The following DLGAP2 variants were observed in gnomAD, a reference collection of about 807,000 sequenced individuals.
DLGAP2 encodes the protein disks large-associated protein 2.
A neutral mutation model predicts 100.3 loss-of-function variants in DLGAP2; 26 were observed. That is an observed-to-expected ratio of 0.26 (90% CI 0.19 to 0.36). The LOEUF (loss-of-function observed/expected upper bound fraction) is 0.36, where lower values mean the gene tolerates loss of function less well. Ranked by LOEUF, DLGAP2 falls within the 10% of genes least tolerant of loss-of-function variation. DLGAP2 has a pLI of 1.00. For synonymous variants in DLGAP2, 886 were observed against 630.1 expected, an observed-to-expected ratio of 1.41 and a Z score of -6.08; for missense variants, 1,858 against 1,453.2, an observed-to-expected ratio of 1.28 and a Z score of -4.53.
intron 2 of DLGAP2, among the ~76,000 whole-genome samples, chr8:1,227,697 C>T (rs1798450863): frequency 6.6e-6 from 1 of 151,888 alleles, no homozygotes; most frequent in Non-Finnish European, 1.5e-5. Flanking sequence ...TACATGATGT[C>T]ACTTATATGT....
chr8:776,650 C>T (rs371113712), intron 1 of DLGAP2, among the ~76,000 whole-genome samples: 5 of 152,114 alleles, frequency 3.3e-5, no homozygotes, highest in African/African-American at 9.7e-5. Flanking sequence ...TTCCATGTAG[C>T]TGAGCGGTTT....
At chr8:1,452,267 T>C (rs973985273) in intron 3 of DLGAP2, among the ~76,000 whole-genome samples, 12 of 152,170 alleles carry the variant, frequency 7.9e-5, no homozygotes, top group Non-Finnish European at 1.3e-4. Context: ...GTTCTGTGGC[T>C]GGGTGTTCTG....
At chr8:1,013,338 C>G (rs1340675328) in intron 2 of DLGAP2, among the ~76,000 whole-genome samples, 1 of 152,146 alleles carries the variant, frequency 6.6e-6, no homozygotes, top group African/African-American at 2.4e-5. Context: ...GGAAAAGCCA[C>G]AGGCACAGAT....
At chr8:1,162,048 G>A (rs747335012) in intron 2 of DLGAP2, among the ~76,000 whole-genome samples, 4 of 152,204 alleles carry the variant, frequency 2.6e-5, no homozygotes, top group Non-Finnish European at 4.4e-5. Flanking sequence ...AGGGGAGCCC[G>A]GAGCCTGCGT....
chr8:1,613,550 AAAAAAG>A (rs1318996080), intron 6 of DLGAP2, among the ~76,000 whole-genome samples: 10 of 151,578 alleles, frequency 6.6e-5, no homozygotes, highest in African/African-American at 2.4e-4. Flanking sequence ...AATAAAAAAA[AAAAAAG>A]AAAAGAAAAG....
intron 2 of DLGAP2, among the ~76,000 whole-genome samples, chr8:1,231,500 A>G (rs1454227928): frequency 6.6e-6 from 1 of 152,214 alleles, no homozygotes; most frequent in Non-Finnish European, 1.5e-5. Context: ...CCAAAAGAAA[A>G]CAAAATTGTG....
At chr8:743,884 T>G (rs926614047) in intron 1 of DLGAP2, among the ~76,000 whole-genome samples, 65 of 152,384 alleles carry the variant, frequency 4.3e-4, no homozygotes, top group African/African-American at 1.5e-3. Flanking sequence ...TATTTGCATG[T>G]GATTTCCGTG....
At chr8:915,254 A>G (rs1432369290) in intron 2 of DLGAP2, among the ~76,000 whole-genome samples, 2 of 152,168 alleles carry the variant, frequency 1.3e-5, no homozygotes, top group Non-Finnish European at 2.9e-5. Context: ...ACATCTGTGA[A>G]ACCCATCACT....
intron 2 of DLGAP2, among the ~76,000 whole-genome samples, chr8:1,195,455 C>G (rs1042640386): frequency 6.6e-6 from 1 of 152,138 alleles, no homozygotes; most frequent in Non-Finnish European, 1.5e-5. Context: ...GCACAGTGAA[C>G]CAGGACAGAA....
rs192632210 is a variant in DLGAP2 at position 1,508,079 on chromosome 8, C to T, written c.172+6648C>T. Among the ~76,000 whole-genome samples, 10 of 152,030 alleles carry T rather than the reference C, an allele frequency of 6.6e-5. No individual in the cohort carries two copies. In the East Asian group the frequency reaches 1.9e-3, roughly 29 times the overall value. On this transcript the variant is annotated intron_variant, in intron 4 of 14. Coordinates refer to ENST00000637795, the MANE Select transcript of DLGAP2 (RefSeq NM_001346810.2). Reference sequence around the variant, plus strand: ...ACCAGGGCACACTGCATTTTAACAACCCCGTTTTTAAATTTTATTTCCACA... The same window carrying T: ...ACCAGGGCACACTGCATTTTAACAATCCCGTTTTTAAATTTTATTTCCACA...
intron 1 of DLGAP2, among the ~76,000 whole-genome samples, chr8:771,706 T>G (rs778181415): frequency 7.9e-5 from 12 of 152,234 alleles, no homozygotes; most frequent in Admixed American, 2.0e-4. Context: ...GCCCCACTGT[T>G]AGGTGAAAAT....
chr8:1,549,653 G>A lies in DLGAP2; in HGVS notation c.1200G>A (p.Lys400=). ...LDKPLLHQDA[K]PALRPCHYLQ... ...AGCCGCTGCTGCACCAGGACGCCAA[G>A]CCCGCCCTGAGGCCGTGCCACTACC... The change falls in exon 5 of 15, where the codon AAG becomes AAA. Residue 400 remains lysine (K), a synonymous_variant. Coordinates refer to ENST00000637795, the MANE Select transcript of DLGAP2 (RefSeq NM_001346810.2). 1 of 1,570,032 alleles carries A rather than the reference G, an allele frequency of 6.4e-7. No individual in the cohort carries two copies. Among genetic ancestry groups the A allele is most frequent in the Non-Finnish European group, 8.6e-7 (1 of 1,158,458 alleles).
At chr8:1,557,910 G>C (rs187636019) in intron 5 of DLGAP2, among the ~76,000 whole-genome samples, 16 of 152,290 alleles carry the variant, frequency 1.1e-4, no homozygotes, top group Admixed American at 3.3e-4. Context: ...AGGTCCCAAG[G>C]GTTAGGGTTC....
chr8:1,661,245 A>C (rs1798402465), intron 8 of DLGAP2, among the ~76,000 whole-genome samples: 1 of 152,146 alleles, frequency 6.6e-6, no homozygotes, highest in Non-Finnish European at 1.5e-5. Flanking sequence ...CATCCCGCTG[A>C]GGTGCTGCGC....
intron 2 of DLGAP2, among the ~76,000 whole-genome samples, chr8:1,058,527 C>G (rs1802953178): frequency 1.3e-5 from 2 of 152,194 alleles, no homozygotes; most frequent in Admixed American, 6.5e-5. Context: ...AACAACGTAG[C>G]TGGCTAATGT....
chr8:780,222 A>G (rs1821648325), intron 1 of DLGAP2, among the ~76,000 whole-genome samples: 1 of 152,158 alleles, frequency 6.6e-6, no homozygotes, highest in East Asian at 1.9e-4. Flanking sequence ...CAGATTCCAC[A>G]TATCCGTGAG....
intron 14 of DLGAP2, among the ~76,000 whole-genome samples, chr8:1,700,291 TG>T: frequency 6.6e-6 from 1 of 152,328 alleles, no homozygotes; most frequent in African/African-American, 2.4e-5. Flanking sequence ...CTTAGGAAAG[TG>T]GTTCTGACGC....
chr8:1,471,567 T>C (rs1167423774), intron 3 of DLGAP2, among the ~76,000 whole-genome samples: 7 of 87,746 alleles, frequency 8.0e-5, no homozygotes, highest in African/African-American at 3.3e-4. Flanking sequence ...TGCGACGCCC[T>C]CCCCTCCCCA....
chr8:1,578,375 G>A (rs1353708166), intron 6 of DLGAP2, among the ~76,000 whole-genome samples: 1 of 152,086 alleles, frequency 6.6e-6, no homozygotes, highest in Non-Finnish European at 1.5e-5. Flanking sequence ...GGAAGTTATC[G>A]GGCACACCAA....
Sources: gnomAD v4.1 joint callset for allele counts (sites outside exome capture counted in the v4.1 genomes callset) on GRCh38, gnomAD v4.1.1 for gene constraint, MANE v1.5 for transcripts, NCBI Gene and HGNC (gene_info 2026-07-23, HGNC 2026-07-21) for gene names.